FAM168A: variants seen among roughly 807,000 people sequenced by gnomAD.
FAM168A encodes the protein protein FAM168A.
In FAM168A, 3 loss-of-function variants were observed where a neutral mutation model predicts 28.5. That is an observed-to-expected ratio of 0.11 (90% CI 0.05 to 0.27). The LOEUF is 0.27. Ranked by LOEUF, FAM168A falls within the 10% of genes least tolerant of loss-of-function variation. The probability of loss-of-function intolerance (pLI) is 1.00; values close to 1 mark genes in which losing one functional copy is unlikely to be tolerated. For missense variants in FAM168A, 222 were observed against 311.5 expected (o/e 0.71, Z 2.16); for synonymous variants, 122 against 124.2 (o/e 0.98, Z 0.12).
rs1320040514 is a variant in FAM168A, at chr11:73,404,348, A to G, written c.*2415T>C. ...CCTCATTTGTCAATTGACTGTAATAACTCTAACCCTGTCCCTCTCAGGGCG... is the reference window on the plus strand; with the variant it reads ...CCTCATTTGTCAATTGACTGTAATAGCTCTAACCCTGTCCCTCTCAGGGCG... On this transcript the variant is annotated 3_prime_UTR_variant, in exon 8 of 8. Transcript: ENST00000356467. 2.6e-5 allele frequency: 4 copies of G among 151,654 alleles called. No homozygotes were observed. The highest frequency in any genetic ancestry group is 5.9e-5 in the Non-Finnish European group (4 of 67,938). The allele number at this position is 151,654 out of a possible 1,614,324, so 9.4% of individuals were successfully genotyped here.
chr11:73,591,073 G>A (rs1324867250), intron 1 of FAM168A, among the ~76,000 whole-genome samples: 1 of 152,148 alleles, frequency 6.6e-6, no homozygotes, highest in African/African-American at 2.4e-5. Context: ...GAACCTGGGA[G>A]GAAGAGTTTG....
At chr11:73,449,391 T>C (rs544936885) in intron 2 of FAM168A, among the ~76,000 whole-genome samples, 3 of 151,442 alleles carry the variant, frequency 2.0e-5, no homozygotes, top group African/African-American at 7.3e-5. Flanking sequence ...CTAAGCTACA[T>C]GAAAAAAAAA....
intron 2 of FAM168A, among the ~76,000 whole-genome samples, chr11:73,460,706 G>C (rs1867631894): frequency 6.6e-6 from 1 of 152,028 alleles, no homozygotes; most frequent in Admixed American, 6.5e-5. Flanking sequence ...GTTTCACCAT[G>C]TTGGCCAGGC....
chr11:73,460,498 G>GT (rs1565255375), intron 2 of FAM168A, among the ~76,000 whole-genome samples: 1,442 of 135,968 alleles, frequency 0.011, 21 homozygotes, highest in African/African-American at 0.034. Flanking sequence ...GGCTACTAAT[G>GT]CTTTTTTTTT....
At chr11:73,419,747 TAAA>T (rs1323401597) in intron 4 of FAM168A, 124 bp downstream of exon 4, 1 of 1,230,960 alleles carries the variant, frequency 8.1e-7, no homozygotes, top group Non-Finnish European at 1.1e-6. Flanking sequence ...TTTGCCTGGG[TAAA>T]AGAACCTCTT....
intron 4 of FAM168A, among the ~76,000 whole-genome samples, chr11:73,417,160 G>T (rs191390445): frequency 3.3e-4 from 51 of 152,298 alleles, no homozygotes; most frequent in Middle Eastern, 3.4e-3. Flanking sequence ...TGGTTTGTTG[G>T]CCAGCTAAGG....
chr11:73,533,716 GT>G (rs1943543062), intron 1 of FAM168A, among the ~76,000 whole-genome samples: 1 of 152,148 alleles, frequency 6.6e-6, no homozygotes, highest in African/African-American at 2.4e-5. Context: ...ACTAGCTGAT[GT>G]TCAAAATAAT....
At chr11:73,416,724 A>G (rs1866700472) in intron 4 of FAM168A, among the ~76,000 whole-genome samples, 1 of 152,190 alleles carries the variant, frequency 6.6e-6, no homozygotes, top group Non-Finnish European at 1.5e-5. Flanking sequence ...GTGGGCAGAC[A>G]GCTTGAGCCC....
chr11:73,463,252 C>A lies in FAM168A; in HGVS notation c.70+5153G>T, dbSNP rs1838444174. 2.6e-5 allele frequency among the ~76,000 whole-genome samples: 4 copies of A among 152,198 alleles called. No homozygotes were observed. In the South Asian group the frequency reaches 8.3e-4, roughly 32 times the overall value. On this transcript the variant is annotated intron_variant, in intron 2 of 7. Coordinates refer to ENST00000356467, the MANE Select transcript of FAM168A (RefSeq NM_015159.3). ...AAAGTGCTGTCATTATAGGTGTGAG[C>A]CACCGCGCCCAGCCAAGATAGTACA...
chr11:73,482,666 C>T (rs1867983606), intron 1 of FAM168A, among the ~76,000 whole-genome samples: 1 of 151,720 alleles, frequency 6.6e-6, no homozygotes, highest in Admixed American at 6.6e-5. Context: ...ATCACCTTCC[C>T]TGAGGAAGCA....
chr11:73,562,052 C>T (rs1812484510), intron 1 of FAM168A, among the ~76,000 whole-genome samples: 2 of 152,180 alleles, frequency 1.3e-5, no homozygotes, highest in African/African-American at 4.8e-5. Context: ...AAGCAATTCT[C>T]CTGCCTCAGC....
chr11:73,570,440 T>C (rs1944072650), intron 1 of FAM168A, among the ~76,000 whole-genome samples: 1 of 152,112 alleles, frequency 6.6e-6, no homozygotes, highest in Admixed American at 6.5e-5. Flanking sequence ...AGAAACATAT[T>C]AGTAAAAAGA....
At chr11:73,465,776 T>C (rs760736019) in intron 2 of FAM168A, among the ~76,000 whole-genome samples, 3 of 152,210 alleles carry the variant, frequency 2.0e-5, no homozygotes, top group Non-Finnish European at 2.9e-5. Context: ...TCATAGTATA[T>C]AGTCTATGCT....
chr11:73,505,131 G>T (rs1216548185), intron 1 of FAM168A, among the ~76,000 whole-genome samples: 3 of 150,076 alleles, frequency 2.0e-5, no homozygotes, highest in Non-Finnish European at 4.4e-5. Flanking sequence ...TTTTTTAGAA[G>T]AAATCTTTTA....
intron 1 of FAM168A, among the ~76,000 whole-genome samples, chr11:73,546,200 A>G (rs904214712): frequency 2.2e-4 from 33 of 152,226 alleles, no homozygotes; most frequent in South Asian, 1.0e-3. Context: ...CTAAGATCCT[A>G]TATCCCTGCA....
At chr11:73,548,029 T>C (rs1290185565) in intron 1 of FAM168A, among the ~76,000 whole-genome samples, 1 of 152,130 alleles carries the variant, frequency 6.6e-6, no homozygotes, top group African/African-American at 2.4e-5. Flanking sequence ...GTATCTAAAG[T>C]AGTCAAACTC....
In FAM168A at chr11:73,401,014, C is replaced by T. The variant is rs1450876839; in HGVS notation, c.*5749G>A. On this transcript the variant is annotated 3_prime_UTR_variant, in exon 8 of 8. Transcript: ENST00000356467. ...ATGGGGCTTTCCAATCTTTACACTC[C>T]GGACTGTGTTTTGAAAACACCTATA... The T allele has an allele frequency of 2.0e-5, 3 of 151,766 alleles. No individual in the cohort carries two copies. The highest frequency in any genetic ancestry group is 6.6e-5 in the Admixed American group (1 of 15,246). The allele number at this position is 151,766 out of a possible 1,614,324, so 9.4% of individuals were successfully genotyped here. A position where few individuals can be genotyped will look rare whatever the true frequency, so the allele number is the denominator to read the frequency against.
chr11:73,511,426 C>T (rs944837540), intron 1 of FAM168A, among the ~76,000 whole-genome samples: 1 of 151,964 alleles, frequency 6.6e-6, no homozygotes. Flanking sequence ...TCAGTAGAGA[C>T]GGGGTTTCAC....
intron 3 of FAM168A, among the ~76,000 whole-genome samples, chr11:73,424,543 G>C (rs1461004357): frequency 6.6e-6 from 1 of 152,062 alleles, no homozygotes; most frequent in African/African-American, 2.4e-5. Flanking sequence ...CAGAGCTCAA[G>C]TTCTGGGCTA....
Sources: allele counts gnomAD v4.1 joint callset (sites outside exome capture counted in the v4.1 genomes callset), GRCh38; gene constraint gnomAD v4.1.1; transcripts MANE v1.5; gene names NCBI Gene and HGNC (gene_info 2026-07-23, HGNC 2026-07-21).